CTNNA2: variants seen among roughly 807,000 people sequenced by gnomAD.
The protein encoded by CTNNA2 is catenin alpha-2.
A neutral mutation model predicts 101.0 loss-of-function variants in CTNNA2; 42 were observed. The observed-to-expected ratio is 0.42, with a 90% CI of 0.32 to 0.54. CTNNA2 has a LOEUF of 0.54. Among genes scored for constraint, CTNNA2 ranks in the 20% least tolerant of loss-of-function variants. The pLI, the probability that CTNNA2 is intolerant of heterozygous loss-of-function variation, is 0.14. For synonymous variants in CTNNA2, 450 were observed against 456.4 expected, an observed-to-expected ratio of 0.99 and a Z score of 0.18; for missense variants, 871 against 1,223.1, an observed-to-expected ratio of 0.71 and a Z score of 4.29.
intron 7 of CTNNA2, among the ~76,000 whole-genome samples, chr2:79,912,493 G>A (rs1685878800): frequency 6.6e-6 from 1 of 152,206 alleles, no homozygotes; most frequent in Non-Finnish European, 1.5e-5. Context: ...CAACAGAATT[G>A]TGCAGTTAAA....
intron 7 of CTNNA2, among the ~76,000 whole-genome samples, chr2:80,253,424 T>C (rs1047783221): frequency 1.3e-5 from 2 of 152,196 alleles, no homozygotes; most frequent in African/African-American, 4.8e-5. Flanking sequence ...ATAATAGTTC[T>C]TAAAATAACT....
At chr2:79,215,714 A>G (rs1316343402) in intron 2 of CTNNA2, among the ~76,000 whole-genome samples, 2 of 152,170 alleles carry the variant, frequency 1.3e-5, no homozygotes, top group African/African-American at 4.8e-5. Context: ...ATTAACCTTG[A>G]CTATGCCTTT....
chr2:80,346,320 T>C (rs1236350005), intron 7 of CTNNA2, among the ~76,000 whole-genome samples: 1 of 152,068 alleles, frequency 6.6e-6, no homozygotes, highest in Non-Finnish European at 1.5e-5. Flanking sequence ...AAGCTTTTAC[T>C]CATGGTAGAA....
In CTNNA2 at chr2:79,700,400, C is replaced by T. The variant is rs554602132; in HGVS notation, c.103-43987C>T. Among the ~76,000 whole-genome samples the T allele has an allele frequency of 5.3e-5, 8 of 152,132 alleles. 1 individual carries two copies. Among genetic ancestry groups the T allele is most frequent in the African/African-American group, 1.4e-4 (6 of 41,516 alleles). ...TCAAGAGAGAGAGACAGATGGGACA[C>T]GTAGAAATAATGGAGGTGCCAAGAG... On this transcript the variant is annotated intron_variant, in intron 2 of 18. Coordinates refer to ENST00000402739, the MANE Select transcript of CTNNA2 (RefSeq NM_001282597.3).
chr2:79,659,028 TATTTA>T (rs1410094383), intron 2 of CTNNA2, among the ~76,000 whole-genome samples: 2 of 152,044 alleles, frequency 1.3e-5, no homozygotes, highest in African/African-American at 4.8e-5. Context: ...TCCCTCTTTA[TATTTA>T]ATTTATTATA....
chr2:79,467,866 C>T (rs1488779960), intron 4 of CTNNA2, among the ~76,000 whole-genome samples: 1 of 152,192 alleles, frequency 6.6e-6, no homozygotes, highest in Admixed American at 6.5e-5. Flanking sequence ...CCTACAAGAG[C>T]TCCTGAAGGA....
chr2:80,126,923 G>A (rs889861131), intron 7 of CTNNA2, among the ~76,000 whole-genome samples: 2 of 152,198 alleles, frequency 1.3e-5, no homozygotes, highest in Non-Finnish European at 2.9e-5. Context: ...TGGGGAGGAG[G>A]AGGTGTAGGA....
At chr2:80,557,825 G>A (rs1693178516) in intron 12 of CTNNA2, among the ~76,000 whole-genome samples, 1 of 152,120 alleles carries the variant, frequency 6.6e-6, no homozygotes, top group South Asian at 2.1e-4. Flanking sequence ...GTCTTGATAT[G>A]TAAATAATGT....
chr2:80,145,304 C>G (rs963577564), intron 7 of CTNNA2, among the ~76,000 whole-genome samples: 43 of 152,124 alleles, frequency 2.8e-4, no homozygotes, highest in African/African-American at 9.4e-4. Context: ...TATCTACACT[C>G]AAAGCATTTT....
At chr2:80,089,452 G>T (rs973790168) in intron 7 of CTNNA2, among the ~76,000 whole-genome samples, 1 of 151,762 alleles carries the variant, frequency 6.6e-6, no homozygotes, top group Non-Finnish European at 1.5e-5. Flanking sequence ...TTGCATTTTG[G>T]GGGTTCTCTG....
rs535036757 is a variant in CTNNA2 at position 79,777,202 on chromosome 2, C to G, written c.298+32620C>G. 2.0e-5 allele frequency: 3 copies of G among 152,274 alleles called. No individual in the cohort carries two copies. The East Asian group carries it at 5.8e-4, about 29-fold the overall frequency. The allele number at this position is 152,274 out of a possible 1,614,324, so 9.4% of individuals were successfully genotyped here. On this transcript the variant is annotated intron_variant, in intron 3 of 18. Coordinates refer to ENST00000402739, the MANE Select transcript of CTNNA2 (RefSeq NM_001282597.3). ...AAAATAGGAACTGCTTACTATACAGCTGGTCCTCATGGGGCCCCTACCTGG... is the reference window on the plus strand; with the variant it reads ...AAAATAGGAACTGCTTACTATACAGGTGGTCCTCATGGGGCCCCTACCTGG...
chr2:79,435,883 A>G (rs1678708132), intron 4 of CTNNA2, among the ~76,000 whole-genome samples: 1 of 152,222 alleles, frequency 6.6e-6, no homozygotes, highest in Admixed American at 6.5e-5. Context: ...TGATTAATGT[A>G]CTTGAGCAGA....
At chr2:80,300,281 G>GGGGT (rs1353283390) in intron 7 of CTNNA2, among the ~76,000 whole-genome samples, 1,143 of 93,126 alleles carry the variant, frequency 0.012, 10 homozygotes, top group Middle Eastern at 0.021. Context: ...GGGGTGTTGG[G>GGGGT]GTGTGTGTGT....
chr2:80,334,043 GGC>G (rs1274897794), intron 7 of CTNNA2, among the ~76,000 whole-genome samples: 1 of 152,094 alleles, frequency 6.6e-6, no homozygotes, highest in Non-Finnish European at 1.5e-5. Context: ...GGCCAACTGT[GGC>G]AGCCTTGCCT....
At chr2:80,521,712 GA>G (rs1296306082) in intron 9 of CTNNA2, among the ~76,000 whole-genome samples, 2 of 152,090 alleles carry the variant, frequency 1.3e-5, no homozygotes, top group Non-Finnish European at 2.9e-5. Context: ...TTCTCTCCTG[GA>G]GCCTCCGGAA....
chr2:79,306,116 A>C (rs958464183), intron 2 of CTNNA2, among the ~76,000 whole-genome samples: 1 of 152,078 alleles, frequency 6.6e-6, no homozygotes, highest in Non-Finnish European at 1.5e-5. Flanking sequence ...CACTATGTTA[A>C]GTCAAACACA....
In CTNNA2 at chr2:79,591,815, T is replaced by G. The variant is rs971016520; in HGVS notation, c.-5-59737T>G. On this transcript the variant is annotated intron_variant, in intron 1 of 18. Transcript: ENST00000402739. Reference sequence around the variant, plus strand: ...CGTATGAGGAGAATGTTAATACATATGTTCTCTTTTTAATTTTTTTTTGGT... The same window carrying G: ...CGTATGAGGAGAATGTTAATACATAGGTTCTCTTTTTAATTTTTTTTTGGT... 2.6e-5 allele frequency among the ~76,000 whole-genome samples: 4 copies of G among 152,234 alleles called. No individual in the cohort carries two copies. The South Asian group carries it at 8.3e-4, about 32-fold the overall frequency.
chr2:79,741,739 TTG>T (rs1175116756), intron 2 of CTNNA2, among the ~76,000 whole-genome samples: 2 of 152,208 alleles, frequency 1.3e-5, no homozygotes, highest in African/African-American at 4.8e-5. Flanking sequence ...TTGGACTTGT[TTG>T]TCTTTCAATT....
intron 3 of CTNNA2, among the ~76,000 whole-genome samples, chr2:79,808,820 G>T (rs1036877956): frequency 1.3e-5 from 2 of 151,318 alleles, no homozygotes; most frequent in African/African-American, 4.9e-5. Context: ...TTTAAGTTCT[G>T]GGATACATGT....
Sources: allele counts gnomAD v4.1 joint callset (sites outside exome capture counted in the v4.1 genomes callset), GRCh38; gene constraint gnomAD v4.1.1; transcripts MANE v1.5; gene names NCBI Gene and HGNC (gene_info 2026-07-23, HGNC 2026-07-21).